Variants in NCOA2 observed in about 807,000 individuals in gnomAD.
NCOA2 encodes the protein nuclear receptor coactivator 2.
NCOA2 carries 21 observed loss-of-function variants against 145.1 expected under a neutral mutation model. The ratio of observed to expected loss-of-function variants is 0.14; its 90% CI spans 0.10 to 0.21. The LOEUF (loss-of-function observed/expected upper bound fraction) is 0.21, where lower values mean the gene tolerates loss of function less well. Ranked by LOEUF, NCOA2 falls within the 10% of genes least tolerant of loss-of-function variation. NCOA2 has a pLI of 1.00. For missense variants in NCOA2, 1,472 were observed against 1,837.6 expected, an observed-to-expected ratio of 0.80 and a Z score of 3.64; for synonymous variants, 619 against 637.5, an observed-to-expected ratio of 0.97 and a Z score of 0.44.
chr8:70,430,046 T>A, the NCOA2 span, among the ~76,000 whole-genome samples: 1 of 151,990 alleles, frequency 6.6e-6, no homozygotes, highest in African/African-American at 2.4e-5. Context: ...AGAGATAGGG[T>A]CTCACTTTGT....
intron 2 of NCOA2, among the ~76,000 whole-genome samples, chr8:70,263,942 G>A (rs1395566594): frequency 6.6e-6 from 1 of 152,198 alleles, no homozygotes; most frequent in Non-Finnish European, 1.5e-5. Context: ...GCCAGGCGTG[G>A]TGGCTCATGC....
Position 70,296,778 on chromosome 8 carries a change from G to A in NCOA2, c.-54C>T, listed in dbSNP as rs1398143170. On this transcript the variant is annotated 5_prime_UTR_variant, in exon 2 of 23. Transcript: ENST00000452400. ...TAAACAGTGCAGAAGATCTATAAGTGTGTAGCCAAATCCAAGAGAAATCTG... is the reference window on the plus strand; with the variant it reads ...TAAACAGTGCAGAAGATCTATAAGTATGTAGCCAAATCCAAGAGAAATCTG... The A allele has an allele frequency of 1.3e-5, 2 of 152,284 alleles. No individual in the cohort carries two copies. The highest frequency in any genetic ancestry group is 3.9e-4 in the East Asian group (2 of 5,188). The allele number at this position is 152,284 out of a possible 1,614,324, so 9.4% of individuals were successfully genotyped here. A position where few individuals can be genotyped will look rare whatever the true frequency, so the allele number is the denominator to read the frequency against.
chr8:70,173,361 A>G (rs933765709), intron 5 of NCOA2, among the ~76,000 whole-genome samples: 2 of 152,182 alleles, frequency 1.3e-5, no homozygotes, highest in African/African-American at 4.8e-5. Context: ...ATGTATAGGG[A>G]AATTTCCCAA....
intron 2 of NCOA2, among the ~76,000 whole-genome samples, chr8:70,274,178 A>T (rs1350666503): frequency 6.6e-5 from 10 of 151,634 alleles, no homozygotes; most frequent in Non-Finnish European, 1.0e-4. Flanking sequence ...GTAGTGTAAC[A>T]CAGGTGGTAT....
chr8:70,165,982 C>T (rs1460268875), intron 7 of NCOA2, among the ~76,000 whole-genome samples: 1 of 152,092 alleles, frequency 6.6e-6, no homozygotes, highest in Non-Finnish European at 1.5e-5. Flanking sequence ...AGCCACCACG[C>T]CCGGCTACTT....
chr8:70,311,452 A>G (rs1476061265), intron 1 of NCOA2, among the ~76,000 whole-genome samples: 1 of 152,222 alleles, frequency 6.6e-6, no homozygotes, highest in Non-Finnish European at 1.5e-5. Flanking sequence ...GCAAAAAAGA[A>G]AAAAATTATC....
At chr8:70,224,785 CAT>C (rs1486453472) in intron 2 of NCOA2, among the ~76,000 whole-genome samples, 8 of 150,718 alleles carry the variant, frequency 5.3e-5, no homozygotes, top group African/African-American at 9.7e-5. Flanking sequence ...TATTATATTA[CAT>C]ATATATTAAT....
intron 1 of NCOA2, among the ~76,000 whole-genome samples, chr8:70,383,094 C>A (rs1386223558): frequency 6.6e-6 from 1 of 152,192 alleles, no homozygotes; most frequent in Non-Finnish European, 1.5e-5. Context: ...GAACTCTGGA[C>A]AGAGCGCCCA....
the NCOA2 span, chr8:70,424,461 T>C: frequency 2.0e-6 from 1 of 507,762 alleles, no homozygotes; most frequent in South Asian, 1.5e-5. Context: ...CATGAGCATA[T>C]CTTCGACCCA....
chr8:70,203,505 G>T (rs928600383), intron 4 of NCOA2, among the ~76,000 whole-genome samples: 1 of 151,618 alleles, frequency 6.6e-6, no homozygotes, highest in African/African-American at 2.4e-5. Context: ...AGCTACTTAA[G>T]AGGCTGAGGT....
chr8:70,159,386 A>T, intron 10 of NCOA2, 119 bp downstream of exon 10: 1 of 902,962 alleles, frequency 1.1e-6, no homozygotes, highest in Non-Finnish European at 1.6e-6. Flanking sequence ...ATTTTACATT[A>T]CTGGGATTGA....
chr8:70,159,864 A>C (rs1476369021), intron 9 of NCOA2, among the ~76,000 whole-genome samples: 1 of 152,230 alleles, frequency 6.6e-6, no homozygotes, highest in Admixed American at 6.5e-5. Flanking sequence ...AACCTCAATT[A>C]TCTGTTTTCC....
At chr8:70,328,907 C>T (rs1806827804) in intron 1 of NCOA2, among the ~76,000 whole-genome samples, 1 of 152,080 alleles carries the variant, frequency 6.6e-6, no homozygotes, top group African/African-American at 2.4e-5. Context: ...TTTGGTAGTA[C>T]CTAGTACCTA....
the NCOA2 span, among the ~76,000 whole-genome samples, chr8:70,417,175 A>G: frequency 6.8e-6 from 1 of 147,552 alleles, no homozygotes; most frequent in Non-Finnish European, 1.5e-5. Flanking sequence ...TGGAAGGCTG[A>G]GACAGGAGGA....
chr8:70,123,818 T>C (rs952107527), intron 21 of NCOA2, 66 bp downstream of exon 21: 3 of 1,358,212 alleles, frequency 2.2e-6, no homozygotes, highest in African/African-American at 2.9e-5. Context: ...AAAGATATAT[T>C]TGATGCAGAA....
Position 70,141,336 on chromosome 8 carries a change from G to A in NCOA2, c.2876C>T (p.Ser959Leu), listed in dbSNP as rs199857488. The change falls in exon 14 of 23, where the codon TCG (serine) becomes TTG (leucine). Residue 959 changes from serine to leucine, a missense_variant. Coordinates refer to ENST00000452400, the MANE Select transcript of NCOA2 (RefSeq NM_006540.4). ...AGCAGCACAGGTGACTCTCACAGCC[G>A]AACTCTGCGGTGCCCATTCTCCAGA... ...MPSGEWAPQSSAVRVTCAATT... is the reference protein window; with the variant it reads ...MPSGEWAPQSLAVRVTCAATT... 493 of 1,613,712 alleles carry A rather than the reference G, an allele frequency of 3.1e-4. No homozygotes were observed. The highest frequency in any genetic ancestry group is 3.6e-4 in the Non-Finnish European group (425 of 1,179,852).
chr8:70,227,832 T>A (rs1820787946), intron 2 of NCOA2, among the ~76,000 whole-genome samples: 1 of 151,962 alleles, frequency 6.6e-6, no homozygotes, highest in Admixed American at 6.6e-5. Context: ...CTGGCCAACA[T>A]GGTGAAACCC....
chr8:70,405,384 A>G (rs1814721422), upstream of NCOA2, among the ~76,000 whole-genome samples: 1 of 132,218 alleles, frequency 7.6e-6, no homozygotes, highest in Non-Finnish European at 1.6e-5. Flanking sequence ...TTGCACACCT[A>G]TCTAATGTTT....
intron 1 of NCOA2, among the ~76,000 whole-genome samples, chr8:70,369,558 C>T (rs941394542): frequency 6.6e-6 from 1 of 152,176 alleles, no homozygotes; most frequent in Non-Finnish European, 1.5e-5. Flanking sequence ...TCCCTGGCAG[C>T]ATGAGGCAGC....
Sources: gnomAD v4.1 joint callset for allele counts (sites outside exome capture counted in the v4.1 genomes callset) on GRCh38, gnomAD v4.1.1 for gene constraint, MANE v1.5 for transcripts, NCBI Gene and HGNC (gene_info 2026-07-23, HGNC 2026-07-21) for gene names.